Variants in IMMT observed in about 807,000 individuals in gnomAD.
The protein encoded by IMMT is MICOS complex subunit MIC60.
IMMT carries 40 observed loss-of-function variants against 92.7 expected under a neutral mutation model. That is an observed-to-expected ratio of 0.43 (90% CI 0.34 to 0.56). The LOEUF is 0.56. IMMT is among the 20% of genes least tolerant of loss of function. The pLI is 0.03. For missense variants in IMMT, 831 were observed against 912.1 expected, an observed-to-expected ratio of 0.91 and a Z score of 1.14; for synonymous variants, 322 against 336.1, an observed-to-expected ratio of 0.96 and a Z score of 0.46.
At chr2:86,166,825 C>T (rs1428507417) in intron 6 of IMMT, among the ~76,000 whole-genome samples, 181 bp from the exon 7 acceptor site, 3 of 152,092 alleles carry the variant, frequency 2.0e-5, no homozygotes, top group South Asian at 2.1e-4. Flanking sequence ...AAAGGCCGGG[C>T]GCAGTGGCTC....
intron 1 of IMMT, among the ~76,000 whole-genome samples, chr2:86,194,295 C>T (rs1673379431): frequency 6.6e-6 from 1 of 152,322 alleles, no homozygotes; most frequent in Admixed American, 6.5e-5. Context: ...TTCTATCCTA[C>T]AGAACCCGTA....
At position 86,166,637 on chromosome 2, in the gene IMMT, G is replaced by A. The variant is rs1410745931; in HGVS notation, c.663C>T (p.Ala221=). 6.9e-6 allele frequency: 11 copies of A among 1,590,300 alleles called. No homozygotes were observed. Among genetic ancestry groups the A allele is most frequent in the South Asian group, 1.2e-5 (1 of 86,598 alleles). ...GCCTCAGAGCATCTTCTAAGCTCTT[G>A]GCTAGAGCTTAAAAAAAAAAAAGAA... is the stretch of plus-strand genomic sequence containing the variant. ...KQEQVKIESL[A]KSLEDALRQT... is the part of the protein sequence containing the mutation. The change falls in exon 7 of 15, where the codon GCC becomes GCT. Residue 221 remains alanine, a synonymous_variant. Coordinates refer to ENST00000410111, the MANE Select transcript of IMMT (RefSeq NM_006839.3).
chr2:86,178,291 C>T (rs1425590732), intron 3 of IMMT, among the ~76,000 whole-genome samples: 1 of 140,016 alleles, frequency 7.1e-6, no homozygotes, highest in Non-Finnish European at 1.5e-5. Flanking sequence ...GCATTCCAGC[C>T]TGCGTGACAC....
At chr2:86,168,910 T>C (rs1361730045) in intron 6 of IMMT, among the ~76,000 whole-genome samples, 2 of 152,094 alleles carry the variant, frequency 1.3e-5, no homozygotes, top group African/African-American at 2.4e-5. Flanking sequence ...ATGACATGCG[T>C]GAGTGAACAG....
At chr2:86,187,649 G>A (rs938085738) in intron 1 of IMMT, among the ~76,000 whole-genome samples, 2 of 152,068 alleles carry the variant, frequency 1.3e-5, no homozygotes, top group Admixed American at 6.6e-5. Context: ...AGTCGCTCAC[G>A]CCTGTAATCC....
chr2:86,170,251 A>G (rs2105202409), intron 6 of IMMT, among the ~76,000 whole-genome samples: 1 of 152,250 alleles, frequency 6.6e-6, no homozygotes, highest in East Asian at 1.9e-4. Flanking sequence ...GCCTGTGTCT[A>G]TAAAAAATTT....
At chr2:86,154,643 T>C (rs1020957944) in intron 10 of IMMT, among the ~76,000 whole-genome samples, 1 of 152,196 alleles carries the variant, frequency 6.6e-6, no homozygotes, top group Non-Finnish European at 1.5e-5. Flanking sequence ...TTTAAAACAA[T>C]GAATTCAAAC....
Position 86,147,792 on chromosome 2 carries a change from G to T in IMMT, c.1443C>A (p.Thr481=), listed in dbSNP as rs758692989. Residue 481 remains threonine (T), a synonymous_variant, in exon 13 of 15, where the codon ACC becomes ACA. Coordinates refer to ENST00000410111, the MANE Select transcript of IMMT (RefSeq NM_006839.3). ...VRDAMENEMR[T]QLRRQAAAHT... is the part of the protein sequence containing the mutation. ...GGGCAGCTGCCTGTCGGCGAAGCTGGGTTCTCATTTCATTTTCCATGGCAT... is the reference window on the plus strand; with the variant it reads ...GGGCAGCTGCCTGTCGGCGAAGCTGTGTTCTCATTTCATTTTCCATGGCAT... 37 of 1,613,628 alleles carry T rather than the reference G, an allele frequency of 2.3e-5. 1 individual carries two copies. In the African/African-American group the frequency reaches 4.4e-4, roughly 19 times the overall value.
At chr2:86,173,111 G>C (rs1035033779) in intron 4 of IMMT, among the ~76,000 whole-genome samples, 3 of 152,174 alleles carry the variant, frequency 2.0e-5, no homozygotes, top group Admixed American at 6.5e-5. Flanking sequence ...ATTTAATCAA[G>C]GACAGACACA....
intron 10 of IMMT, 120 bp from the exon 11 acceptor site, chr2:86,153,694 G>A: frequency 1.9e-6 from 1 of 534,220 alleles, no homozygotes; most frequent in Non-Finnish European, 3.3e-6. Flanking sequence ...ACCAGGAAAA[G>A]CTATTTTAAT....
chr2:86,164,775 A>AT (rs966367392), intron 7 of IMMT, among the ~76,000 whole-genome samples: 29 of 152,072 alleles, frequency 1.9e-4, no homozygotes, highest in African/African-American at 6.5e-4. Flanking sequence ...TGTCAATGAC[A>AT]TATCTGGGGG....
rs1326898626 is a variant in IMMT, at chr2:86,159,684, A to G, written c.897-13T>C. 2.6e-6 allele frequency: 4 copies of G among 1,536,200 alleles called. No homozygotes were observed. The highest frequency in any genetic ancestry group is 2.8e-5 in the African/African-American group (2 of 71,796). On this transcript the variant is annotated splice_polypyrimidine_tract_variant and intron_variant, in intron 8 of 14. Transcript: ENST00000410111. ...CTCTAACTCTTCTCTGGAAACCAACAAAACAAAGATTTAATATAACTTCTT... is the reference window on the plus strand; with the variant it reads ...CTCTAACTCTTCTCTGGAAACCAACGAAACAAAGATTTAATATAACTTCTT...
At chr2:86,182,060 G>A (rs1573939180) in intron 1 of IMMT, among the ~76,000 whole-genome samples, 1 of 151,788 alleles carries the variant, frequency 6.6e-6, no homozygotes, top group East Asian at 1.9e-4. Flanking sequence ...GCTTGTGATT[G>A]GTTTTAATAA....
Position 86,144,447 on chromosome 2 carries a change from G to A in IMMT, c.2098C>T (p.His700Tyr). Residue 700 changes from histidine to tyrosine, a missense_variant, in exon 15 of 15, where the codon CAT (histidine) becomes TAT (tyrosine). Physicochemically the swap from His to Tyr is moderately conservative, Grantham distance 83 (BLOSUM62 2). Transcript: ENST00000410111. The part of the protein sequence containing the change: ...LLSYASYCIE[H>Y]GDLELAAKFV... ...TTTGCTGCTAGCTCCAGATCACCATGCTCAATGCAATAGGAAGCATATGAC... is the reference window on the plus strand; with the variant it reads ...TTTGCTGCTAGCTCCAGATCACCATACTCAATGCAATAGGAAGCATATGAC... The A allele has an allele frequency of 6.2e-7, 1 of 1,613,982 alleles. No homozygotes were observed. The highest frequency in any genetic ancestry group is 8.5e-7 in the Non-Finnish European group (1 of 1,179,882).
intron 9 of IMMT, 187 bp downstream of exon 9, chr2:86,159,349 T>A (rs1676097157): frequency 1.5e-6 from 1 of 664,664 alleles, no homozygotes; most frequent in Non-Finnish European, 2.7e-6. Flanking sequence ...CCTGCCAAAG[T>A]GCTGGGATTA....
intron 2 of IMMT, among the ~76,000 whole-genome samples, chr2:86,180,089 A>C (rs1373193674): frequency 6.6e-6 from 1 of 152,092 alleles, no homozygotes; most frequent in Non-Finnish European, 1.5e-5. Context: ...AAAAATAAAT[A>C]AATAAATAAA....
chr2:86,172,289 C>T (rs939153129), intron 4 of IMMT, among the ~76,000 whole-genome samples: 33 of 151,746 alleles, frequency 2.2e-4, no homozygotes, highest in African/African-American at 8.0e-4. Flanking sequence ...AAGTAACAGT[C>T]AATTATCAAT....
intron 1 of IMMT, among the ~76,000 whole-genome samples, chr2:86,181,748 A>G (rs1300699278): frequency 1.6e-4 from 24 of 152,224 alleles, no homozygotes; most frequent in Admixed American, 1.6e-3. Flanking sequence ...GACATCTGAA[A>G]AATCACCCAC....
At chr2:86,180,756 A>G (rs1348122579) in intron 2 of IMMT, among the ~76,000 whole-genome samples, 7 of 151,952 alleles carry the variant, frequency 4.6e-5, no homozygotes, top group Admixed American at 4.6e-4. Context: ...GCATGGTGAC[A>G]TGCACCTGTA....
Sources: allele counts gnomAD v4.1 joint callset (sites outside exome capture counted in the v4.1 genomes callset), GRCh38; gene constraint gnomAD v4.1.1; transcripts MANE v1.5; gene names NCBI Gene and HGNC (gene_info 2026-07-23, HGNC 2026-07-21).